Variants in SEMA6D observed in about 807,000 individuals in gnomAD.
The protein encoded by SEMA6D is semaphorin-6D.
A neutral mutation model predicts 106.6 loss-of-function variants in SEMA6D; 35 were observed. The observed-to-expected ratio is 0.33, with a 90% CI of 0.25 to 0.44. The LOEUF is 0.44. SEMA6D is among the 20% of genes least tolerant of loss of function. The pLI is 1.00. For synonymous variants in SEMA6D, 499 were observed against 487.7 expected (o/e 1.02, Z -0.31); for missense variants, 1,185 against 1,345.9 (o/e 0.88, Z 1.87).
intron 1 of SEMA6D, among the ~76,000 whole-genome samples, chr15:47,232,790 T>A (rs1040118467): frequency 5.9e-5 from 9 of 151,974 alleles, no homozygotes; most frequent in Non-Finnish European, 1.3e-4. Context: ...TTAGTGTGAT[T>A]ATTGTTGAGC....
intron 1 of SEMA6D, among the ~76,000 whole-genome samples, chr15:47,277,611 T>TATTA (rs2034885722): frequency 2.4e-5 from 3 of 125,982 alleles, no homozygotes; most frequent in Non-Finnish European, 5.3e-5. Flanking sequence ...TTATTATTAT[T>TATTA]ATTTATTATT....
chr15:47,699,322 G>C (rs1037537336), intron 4 of SEMA6D, among the ~76,000 whole-genome samples: 6 of 152,124 alleles, frequency 3.9e-5, no homozygotes, highest in African/African-American at 1.4e-4. Flanking sequence ...CTTTGCCCTT[G>C]CTATTTTGTC....
At chr15:47,540,217 G>A (rs146387759) in intron 3 of SEMA6D, among the ~76,000 whole-genome samples, 29 of 152,210 alleles carry the variant, frequency 1.9e-4, no homozygotes, top group African/African-American at 6.7e-4. Context: ...ATGGTTTATT[G>A]TGAGTAAGCC....
chr15:47,356,182 GA>G (rs1190016706), intron 1 of SEMA6D, among the ~76,000 whole-genome samples: 6 of 152,234 alleles, frequency 3.9e-5, no homozygotes, highest in Non-Finnish European at 8.8e-5. Flanking sequence ...TCGGAGAAAA[GA>G]AAAGAGATGG....
chr15:47,629,091 A>G (rs2077250821), intron 4 of SEMA6D, among the ~76,000 whole-genome samples: 1 of 152,034 alleles, frequency 6.6e-6, no homozygotes, highest in Non-Finnish European at 1.5e-5. Context: ...ATTGATCTAT[A>G]TGTCTGTCCC....
At chr15:47,225,097 G>T (rs1052884013) in intron 1 of SEMA6D, among the ~76,000 whole-genome samples, 1 of 152,016 alleles carries the variant, frequency 6.6e-6, no homozygotes, top group African/African-American at 2.4e-5. Context: ...TGGTAGATCT[G>T]CCCTTTATCA....
At chr15:47,672,531 G>A (rs28670655) in intron 4 of SEMA6D, among the ~76,000 whole-genome samples, 9,176 of 152,190 alleles carry the variant, frequency 0.06, 913 homozygotes, top group African/African-American at 0.21. Context: ...TATTATATAT[G>A]CCAATAGTAT....
At position 47,314,896 on chromosome 15, in the gene SEMA6D, C is replaced by T. The variant is rs533721487; in HGVS notation, c.-238-97497C>T. On this transcript the variant is annotated intron_variant, in intron 1 of 19. Transcript: ENST00000558014. ...TTTTTTTTTTTTTGAGACGGAGTCT[C>T]GCTCTGTGGCCCAGGCGAGAGTGCA... Among the ~76,000 whole-genome samples, 199 of 110,994 alleles carry T rather than the reference C, an allele frequency of 1.8e-3. 1 individual carries two copies. The highest frequency in any genetic ancestry group is 2.4e-3 in the Non-Finnish European group (146 of 60,452). 72.8% of individuals were successfully genotyped at this position (110,994 alleles called of 152,430 possible). A position where few individuals can be genotyped will look rare whatever the true frequency, so the allele number is the denominator to read the frequency against.
chr15:47,199,911 T>C (rs1273687125), intron 1 of SEMA6D, among the ~76,000 whole-genome samples: 1 of 152,154 alleles, frequency 6.6e-6, no homozygotes, highest in Non-Finnish European at 1.5e-5. Context: ...TTTCATTTAG[T>C]TCTCATTATG....
At chr15:47,513,614 T>C (rs1490829714) in intron 3 of SEMA6D, among the ~76,000 whole-genome samples, 1 of 152,164 alleles carries the variant, frequency 6.6e-6, no homozygotes, top group Non-Finnish European at 1.5e-5. Flanking sequence ...GGGATAAATC[T>C]GCAACAGAAG....
intron 1 of SEMA6D, among the ~76,000 whole-genome samples, chr15:47,314,059 A>G (rs1247972923): frequency 6.6e-6 from 1 of 152,178 alleles, no homozygotes; most frequent in Non-Finnish European, 1.5e-5. Flanking sequence ...TTCCACTAGC[A>G]ATGAATGACA....
At chr15:47,223,500 A>C in intron 1 of SEMA6D, among the ~76,000 whole-genome samples, 1 of 151,358 alleles carries the variant, frequency 6.6e-6, no homozygotes. Context: ...CTTTTTAAGG[A>C]TTTTTTCTTT....
intron 3 of SEMA6D, among the ~76,000 whole-genome samples, chr15:47,540,426 A>T (rs549400975): frequency 6.6e-6 from 1 of 152,250 alleles, no homozygotes; most frequent in African/African-American, 2.4e-5. Context: ...TACTTCGTTA[A>T]CTTGTACTGA....
At chr15:47,497,319 AG>A (rs2043700714) in intron 3 of SEMA6D, among the ~76,000 whole-genome samples, 1 of 151,818 alleles carries the variant, frequency 6.6e-6, no homozygotes. Context: ...AAAAACAACA[AG>A]TTTTTTTTTT....
intron 1 of SEMA6D, among the ~76,000 whole-genome samples, chr15:47,253,386 C>T (rs2033627173): frequency 6.6e-6 from 1 of 152,028 alleles, no homozygotes; most frequent in Admixed American, 6.6e-5. Flanking sequence ...TCTATTTTTG[C>T]TTTTATTGCC....
chr15:47,545,102 C>T (rs909811011), intron 3 of SEMA6D, among the ~76,000 whole-genome samples: 1 of 152,042 alleles, frequency 6.6e-6, no homozygotes, highest in South Asian at 2.1e-4. Context: ...CAAATCTACA[C>T]CTTAGAACTT....
intron 4 of SEMA6D, among the ~76,000 whole-genome samples, chr15:47,695,563 G>A (rs1201093932): frequency 6.6e-6 from 1 of 151,914 alleles, no homozygotes; most frequent in African/African-American, 2.4e-5. Flanking sequence ...ACAAATTTAT[G>A]GGCTAGGTCT....
At chr15:47,527,685 A>G (rs945803257) in intron 3 of SEMA6D, 2 of 152,202 alleles carry the variant, frequency 1.3e-5, no homozygotes, top group African/African-American at 4.8e-5. Flanking sequence ...GTGGGGAAAA[A>G]GGAAACTAAA....
chr15:47,459,314 T>A (rs561080455), intron 2 of SEMA6D, among the ~76,000 whole-genome samples: 1 of 152,186 alleles, frequency 6.6e-6, no homozygotes, highest in African/African-American at 2.4e-5. Flanking sequence ...TCATTCAAAT[T>A]GCTGTCAGGA....
Sources: gnomAD v4.1 joint callset for allele counts (sites outside exome capture counted in the v4.1 genomes callset) on GRCh38, gnomAD v4.1.1 for gene constraint, MANE v1.5 for transcripts, NCBI Gene and HGNC (gene_info 2026-07-23, HGNC 2026-07-21) for gene names.